Variants in UTRN observed in about 807,000 individuals in gnomAD.
UTRN encodes dystrophin-related protein 1.
A neutral mutation model predicts 463.9 loss-of-function variants in UTRN; 283 were observed. The observed-to-expected ratio is 0.61, with a 90% confidence interval of 0.55 to 0.67. The LOEUF (loss-of-function observed/expected upper bound fraction) is 0.67, where lower values mean the gene tolerates loss of function less well. Ranked by LOEUF, UTRN falls within the 30% of genes least tolerant of loss-of-function variation. The pLI is 0.00. For synonymous variants in UTRN, 1,442 were observed against 1,431.5 expected, an observed-to-expected ratio of 1.01 and a Z score of -0.17; for missense variants, 3,922 against 4,084.3, an observed-to-expected ratio of 0.96 and a Z score of 1.08.
chr6:144,525,641 A>C (rs1449240946), intron 41 of UTRN, among the ~76,000 whole-genome samples: 1 of 145,408 alleles, frequency 6.9e-6, no homozygotes, highest in African/African-American at 2.5e-5. Context: ...TTTTTGTTTC[A>C]TTTTTTTTTG....
intron 2 of UTRN, among the ~76,000 whole-genome samples, chr6:144,385,772 G>A (rs188227758): frequency 1.3e-5 from 2 of 151,222 alleles, no homozygotes; most frequent in East Asian, 3.9e-4. Context: ...GCAGAGGTGC[G>A]ATCTCGGCTC....
intron 2 of UTRN, among the ~76,000 whole-genome samples, chr6:144,377,260 C>T (rs1179764536): frequency 1.3e-5 from 2 of 152,130 alleles, no homozygotes; most frequent in Non-Finnish European, 2.9e-5. Context: ...TGGTCTTGAC[C>T]TCCTGGCCTC....
chr6:144,750,919 C>T (rs1229496307), intron 55 of UTRN, among the ~76,000 whole-genome samples: 2 of 152,110 alleles, frequency 1.3e-5, no homozygotes, highest in African/African-American at 4.8e-5. Context: ...TGATTCTAGA[C>T]CTTGCTCAGA....
chr6:144,690,173 T>G, intron 52 of UTRN, among the ~76,000 whole-genome samples: 1 of 114,674 alleles, frequency 8.7e-6, no homozygotes, highest in African/African-American at 3.4e-5. Flanking sequence ...AGGAGGGAGG[T>G]GGGTCAGGCA....
intron 66 of UTRN, among the ~76,000 whole-genome samples, chr6:144,821,833 A>G (rs528454242): frequency 6.6e-6 from 1 of 152,228 alleles, no homozygotes; most frequent in Admixed American, 6.5e-5. Context: ...TATTCCTGCT[A>G]AGGCCATTTT....
Position 144,447,375 on chromosome 6 carries a change from A to G in UTRN, c.1722+57A>G, listed in dbSNP as rs573182326. 2.3e-5 allele frequency: 35 copies of G among 1,532,416 alleles called. No homozygotes were observed. In the African/African-American group the frequency reaches 4.7e-4, roughly 21 times the overall value. The allele number at this position is 1,532,416 out of a possible 1,614,324, so 94.9% of individuals were successfully genotyped here. Reference sequence around the variant, plus strand: ...TAAGCCTATGATATCTTAATGTTTTATAGCTAATGGTTAGTAGAATTTAGT... The same window carrying G: ...TAAGCCTATGATATCTTAATGTTTTGTAGCTAATGGTTAGTAGAATTTAGT... On this transcript the variant is annotated intron_variant, in intron 15 of 74. Transcript: ENST00000367545.
rs1338147363 is a variant in UTRN, at chr6:144,561,254, T to TACACACAC, written c.7289+3944_7289+3945insCACACACA. ...ATATATATATATATATATATATATA[T>TACACACAC]ATATATACATACACACACACACGTA... On this transcript the variant is annotated intron_variant, in intron 50 of 74. Coordinates refer to ENST00000367545, the MANE Select transcript of UTRN (RefSeq NM_007124.3). 7.3e-5 allele frequency among the ~76,000 whole-genome samples: 4 copies of TACACACAC among 54,764 alleles called. 1 individual carries two copies. The highest frequency in any genetic ancestry group is 1.5e-4 in the African/African-American group (3 of 19,476). 35.9% of individuals were successfully genotyped at this position (54,764 alleles called of 152,430 possible).
chr6:144,727,129 C>T (rs1562824549), intron 53 of UTRN, among the ~76,000 whole-genome samples: 1 of 152,156 alleles, frequency 6.6e-6, no homozygotes, highest in African/African-American at 2.4e-5. Flanking sequence ...CTGGATTTGC[C>T]TGTAAAATAT....
chr6:144,552,788 G>A (rs1027288969), intron 48 of UTRN, among the ~76,000 whole-genome samples: 13 of 152,048 alleles, frequency 8.5e-5, no homozygotes, highest in South Asian at 8.3e-4. Flanking sequence ...ATTTACTCTC[G>A]CTTGATGTCT....
At chr6:144,585,232 A>G (rs1158846576) in intron 51 of UTRN, among the ~76,000 whole-genome samples, 7 of 152,152 alleles carry the variant, frequency 4.6e-5, no homozygotes, top group African/African-American at 1.7e-4. Context: ...CTTGATTTAT[A>G]ATTTCCTAAA....
At position 144,438,808 on chromosome 6, in the gene UTRN, A is replaced by G. The variant is rs1298272340; in HGVS notation, c.1305A>G (p.Thr435=). Reference sequence around the variant, plus strand: ...TGCAGCAGCTCTCCGCCTGGTTAACACTCACAGAGGAGCGCATTCAGAAGA... The same window carrying G: ...TGCAGCAGCTCTCCGCCTGGTTAACGCTCACAGAGGAGCGCATTCAGAAGA... ...KQLQQLSAWL[T]LTEERIQKME... The change falls in exon 12 of 75, where the codon ACA becomes ACG. Residue 435 remains threonine, a synonymous_variant. Coordinates refer to ENST00000367545, the MANE Select transcript of UTRN (RefSeq NM_007124.3). 2 of 1,614,086 alleles carry G rather than the reference A, an allele frequency of 1.2e-6. No homozygotes were observed. The highest frequency in any genetic ancestry group is 8.5e-7 in the Non-Finnish European group (1 of 1,180,044).
chr6:144,757,796 C>T, intron 57 of UTRN, 133 bp from the exon 58 acceptor site: 1 of 725,310 alleles, frequency 1.4e-6, no homozygotes, highest in South Asian at 2.8e-5. Context: ...CAGTGGATCT[C>T]ATAATTATAG....
chr6:144,407,662 AG>A (rs752191740), intron 3 of UTRN, among the ~76,000 whole-genome samples: 2 of 152,368 alleles, frequency 1.3e-5, no homozygotes, highest in East Asian at 1.9e-4. Context: ...TTTCTTGATA[AG>A]GGATTTGGTA....
intron 53 of UTRN, among the ~76,000 whole-genome samples, chr6:144,724,520 C>A (rs1268619075): frequency 6.6e-6 from 1 of 152,132 alleles, no homozygotes; most frequent in African/African-American, 2.4e-5. Flanking sequence ...AGCCACTGCG[C>A]CTGGCCCATA....
chr6:144,748,938 A>G (rs376061966), intron 55 of UTRN, among the ~76,000 whole-genome samples: 71 of 152,240 alleles, frequency 4.7e-4, no homozygotes, highest in African/African-American at 1.6e-3. Flanking sequence ...TTGTGTCCAT[A>G]TGGTATAGTC....
rs9484863 is a variant in UTRN at position 144,291,760 on chromosome 6, C to T, written c.-69C>T. 942 of 1,418,008 alleles carry T rather than the reference C, an allele frequency of 6.6e-4. 4 individuals carry two copies. The African/African-American group carries it at 8.8e-3, about 13-fold the overall frequency. The allele number at this position is 1,418,008 out of a possible 1,614,324, so 87.8% of individuals were successfully genotyped here. On this transcript the variant is annotated 5_prime_UTR_variant, in exon 2 of 75. Coordinates refer to ENST00000367545, the MANE Select transcript of UTRN (RefSeq NM_007124.3). ...AGGTATTGATGTCAAGCTGAACCAT[C>T]GTAGGAAGTTGAAAGCCTTAGAAAG... is the stretch of plus-strand genomic sequence containing the variant.
At chr6:144,818,182 A>G (rs1461385651) in intron 65 of UTRN, among the ~76,000 whole-genome samples, 1 of 152,224 alleles carries the variant, frequency 6.6e-6, no homozygotes, top group African/African-American at 2.4e-5. Flanking sequence ...ATAAAAGACC[A>G]TATATTATAT....
At chr6:144,346,163 G>T (rs976725651) in intron 2 of UTRN, among the ~76,000 whole-genome samples, 16 of 143,942 alleles carry the variant, frequency 1.1e-4, no homozygotes, top group African/African-American at 4.1e-4. Context: ...GGGTGAAAGA[G>T]CAAAACTCTG....
At chr6:144,785,000 A>G (rs550139722) in intron 61 of UTRN, among the ~76,000 whole-genome samples, 4 of 152,396 alleles carry the variant, frequency 2.6e-5, no homozygotes, top group African/African-American at 7.2e-5. Flanking sequence ...TTCTTATGAC[A>G]GTAATGTCAG....
Sources: allele counts gnomAD v4.1 joint callset (sites outside exome capture counted in the v4.1 genomes callset), GRCh38; gene constraint gnomAD v4.1.1; transcripts MANE v1.5; gene names NCBI Gene and HGNC (gene_info 2026-07-23, HGNC 2026-07-21).